Variants in PLCB4 observed in about 807,000 individuals in gnomAD.
PLCB4 encodes 1-phosphatidylinositol 4,5-bisphosphate phosphodiesterase beta-4.
A neutral mutation model predicts 178.8 loss-of-function variants in PLCB4; 77 were observed. The observed-to-expected ratio is 0.43, with a 90% CI of 0.36 to 0.52. PLCB4 has a LOEUF of 0.52. PLCB4 is among the 20% of genes least tolerant of loss of function. The pLI, the probability that PLCB4 is intolerant of heterozygous loss-of-function variation, is 0.00. For synonymous variants in PLCB4, 496 were observed against 490.8 expected, an observed-to-expected ratio of 1.01 and a Z score of -0.14; for missense variants, 1,024 against 1,453.4, an observed-to-expected ratio of 0.70 and a Z score of 4.80.
chr20:9,297,116 G>A (rs2094646032), intron 3 of PLCB4, among the ~76,000 whole-genome samples: 1 of 151,774 alleles, frequency 6.6e-6, no homozygotes, highest in African/African-American at 2.4e-5. Flanking sequence ...GAAAAACCCA[G>A]TTAGATTATA....
intron 22 of PLCB4, among the ~76,000 whole-genome samples, chr20:9,408,391 T>C (rs1190397621): frequency 8.2e-6 from 1 of 122,220 alleles, no homozygotes; most frequent in Non-Finnish European, 1.6e-5. Context: ...AAACTTCATT[T>C]CTGGGCTAGA....
Position 9,373,067 on chromosome 20 carries a change from AT to A in PLCB4, c.710del (p.Leu237Ter). The A allele has an allele frequency of 6.5e-7, 1 of 1,533,626 alleles. No homozygotes were observed. The highest frequency in any genetic ancestry group is 9.0e-7 in the Non-Finnish European group (1 of 1,108,692). On this transcript the variant is annotated frameshift_variant, in exon 12 of 40. Coordinates refer to ENST00000378473, the MANE Select transcript of PLCB4 (RefSeq NM_001377142.1). LOFTEE classifies it high-confidence loss of function. ...FKKINGDKTD[Y>X]LTVDQLVSFL... ...TTCAGCAATGGAGACAAAACTGATT[AT>A]TTAACGGTAGACCAATTAGTGAGCT...
intron 32 of PLCB4, among the ~76,000 whole-genome samples, chr20:9,448,634 T>C (rs113699689): frequency 1.1e-4 from 16 of 144,816 alleles, no homozygotes; most frequent in South Asian, 8.6e-4. Context: ...TTTTTTTTTT[T>C]TCTCTCATTG....
intron 2 of PLCB4, among the ~76,000 whole-genome samples, chr20:9,184,941 C>T (rs2147108337): frequency 6.6e-6 from 1 of 152,294 alleles, no homozygotes; most frequent in Non-Finnish European, 1.5e-5. Context: ...ATTTTTCAGA[C>T]AGGGTCTCAC....
At chr20:9,315,562 G>C (rs2147924598) in intron 4 of PLCB4, among the ~76,000 whole-genome samples, 1 of 152,294 alleles carries the variant, frequency 6.6e-6, no homozygotes, top group Non-Finnish European at 1.5e-5. Context: ...TAGGGGAGGG[G>C]ACATTGCTGT....
Position 9,338,068 on chromosome 20 carries a change from G to A in PLCB4, c.225+1G>A. On this transcript the variant is annotated splice_donor_variant, in intron 6 of 39. Coordinates refer to ENST00000378473, the MANE Select transcript of PLCB4 (RefSeq NM_001377142.1). LOFTEE classifies it high-confidence loss of function. Reference sequence around the variant, plus strand: ...TATTCGGTCGGGAGCCATACCAAAGGTACCTGTGATTGGTATTTGCTTTTC... The same window carrying A: ...TATTCGGTCGGGAGCCATACCAAAGATACCTGTGATTGGTATTTGCTTTTC... 2 of 1,598,528 alleles carry A rather than the reference G, an allele frequency of 1.3e-6. No individual in the cohort carries two copies. Among genetic ancestry groups the A allele is most frequent in the Non-Finnish European group, 1.7e-6 (2 of 1,166,108 alleles).
chr20:9,221,577 G>A (rs575629839), intron 3 of PLCB4, among the ~76,000 whole-genome samples: 2 of 152,124 alleles, frequency 1.3e-5, no homozygotes, highest in Non-Finnish European at 2.9e-5. Context: ...CCATTTCCTG[G>A]TGTAGGTTAA....
At chr20:9,431,634 T>TTG (rs1276476011) in intron 28 of PLCB4, among the ~76,000 whole-genome samples, 4 of 138,680 alleles carry the variant, frequency 2.9e-5, no homozygotes, top group South Asian at 2.4e-4. Context: ...CGGGGCCAAT[T>TTG]TGTGTGTGTG....
chr20:9,360,413 C>A (rs1291815563), intron 7 of PLCB4, among the ~76,000 whole-genome samples: 6 of 151,706 alleles, frequency 4.0e-5, no homozygotes, highest in Non-Finnish European at 8.8e-5. Context: ...TAATTTATTT[C>A]GACAAACAAC....
At chr20:9,460,197 G>C (rs2043303045) in intron 35 of PLCB4, among the ~76,000 whole-genome samples, 1 of 152,208 alleles carries the variant, frequency 6.6e-6, no homozygotes, top group Non-Finnish European at 1.5e-5. Flanking sequence ...AGTAGCATAT[G>C]ACACATATTT....
intron 2 of PLCB4, among the ~76,000 whole-genome samples, chr20:9,120,712 G>A (rs2063616602): frequency 6.6e-6 from 1 of 151,498 alleles, no homozygotes; most frequent in African/African-American, 2.4e-5. Context: ...TGATCCCAAG[G>A]TGCCCTGCTG....
chr20:9,341,030 A>C (rs1325584986), intron 7 of PLCB4, among the ~76,000 whole-genome samples: 1 of 152,200 alleles, frequency 6.6e-6, no homozygotes, highest in Admixed American at 6.5e-5. Flanking sequence ...GAGACCACAC[A>C]GCAAGCTGGG....
At chr20:9,444,949 A>G (rs923475727) in intron 32 of PLCB4, among the ~76,000 whole-genome samples, 16 of 152,110 alleles carry the variant, frequency 1.1e-4, no homozygotes, top group African/African-American at 3.9e-4. Context: ...GAGAGAGAAC[A>G]CTTGTCACTT....
chr20:9,344,271 C>G (rs536375766), intron 7 of PLCB4, among the ~76,000 whole-genome samples: 107 of 152,310 alleles, frequency 7.0e-4, no homozygotes, highest in African/African-American at 2.6e-3. Context: ...TCCCCCACAG[C>G]CCTCACGTGT....
chr20:9,356,503 G>A (rs1434896522), intron 7 of PLCB4, among the ~76,000 whole-genome samples: 1 of 152,158 alleles, frequency 6.6e-6, no homozygotes, highest in Non-Finnish European at 1.5e-5. Flanking sequence ...GCCTTCATCT[G>A]TAGATTTGTG....
intron 1 of PLCB4, among the ~76,000 whole-genome samples, chr20:9,070,861 C>A (rs549186402): frequency 1.3e-5 from 2 of 152,124 alleles, no homozygotes; most frequent in African/African-American, 4.8e-5. Context: ...CTGAATTAAT[C>A]GCTGTTGAAA....
intron 3 of PLCB4, among the ~76,000 whole-genome samples, chr20:9,248,113 G>A (rs1420294755): frequency 6.6e-6 from 1 of 151,854 alleles, no homozygotes; most frequent in African/African-American, 2.4e-5. Context: ...AGAATAAGAT[G>A]AATGTTTATA....
At chr20:9,354,369 C>T (rs974363271) in intron 7 of PLCB4, among the ~76,000 whole-genome samples, 1 of 152,058 alleles carries the variant, frequency 6.6e-6, no homozygotes, top group Non-Finnish European at 1.5e-5. Flanking sequence ...ACAAGCCTAC[C>T]CTCCAGTGGC....
At chr20:9,204,427 C>T (rs1407504091) in intron 2 of PLCB4, among the ~76,000 whole-genome samples, 2 of 151,948 alleles carry the variant, frequency 1.3e-5, no homozygotes, top group South Asian at 2.1e-4. Flanking sequence ...GACACAATCT[C>T]GGCTCACTGC....
Sources: gnomAD v4.1 joint callset for allele counts (sites outside exome capture counted in the v4.1 genomes callset) on GRCh38, gnomAD v4.1.1 for gene constraint, MANE v1.5 for transcripts, NCBI Gene and HGNC (gene_info 2026-07-23, HGNC 2026-07-21) for gene names.